PIKFYVE: variants seen among roughly 807,000 people sequenced by gnomAD.
The protein encoded by PIKFYVE is 1-phosphatidylinositol 3-phosphate 5-kinase.
In PIKFYVE, 122 loss-of-function variants were observed where a neutral mutation model predicts 257.9. The ratio of observed to expected loss-of-function variants is 0.47; its 90% CI spans 0.41 to 0.55. PIKFYVE has a LOEUF of 0.55. PIKFYVE is among the 20% of genes least tolerant of loss of function. The pLI is 0.00. For missense variants in PIKFYVE, 2,160 were observed against 2,536.6 expected, an observed-to-expected ratio of 0.85 and a Z score of 3.19; for synonymous variants, 892 against 868.9, an observed-to-expected ratio of 1.03 and a Z score of -0.47.
At chr2:208,295,523 C>T (rs1199498912) in intron 7 of PIKFYVE, among the ~76,000 whole-genome samples, 2 of 152,092 alleles carry the variant, frequency 1.3e-5, no homozygotes, top group Non-Finnish European at 2.9e-5. Context: ...GTATCTTAGT[C>T]TTTCTTTGTG....
chr2:208,344,012 A>T (rs544982136), intron 32 of PIKFYVE, among the ~76,000 whole-genome samples: 1 of 151,634 alleles, frequency 6.6e-6, no homozygotes, highest in East Asian at 2.0e-4. Context: ...TAGAGACAGG[A>T]TTTCACCATG....
At chr2:208,352,389 T>G (rs886654653) in intron 38 of PIKFYVE, among the ~76,000 whole-genome samples, 2 of 152,126 alleles carry the variant, frequency 1.3e-5, no homozygotes, top group African/African-American at 2.4e-5. Context: ...TACGTAGTAT[T>G]GGGGGAAATT....
chr2:208,301,200 T>C, intron 9 of PIKFYVE, 106 bp downstream of exon 9: 1 of 1,397,388 alleles, frequency 7.2e-7, no homozygotes. Flanking sequence ...TAGGGTGCTC[T>C]TTGTTTTATG....
rs1277196346 is a variant in PIKFYVE at position 208,358,386 on chromosome 2, T to C, written c.*3081T>C. On this transcript the variant is annotated 3_prime_UTR_variant, in exon 42 of 42. Transcript: ENST00000264380. ...GCAGTATTCAAACCATCTAGTGCAA[T>C]GTTTTTGTTTTTGTTTTTTTTTTGG... 4.7e-5 allele frequency: 1 copy of C among 21,396 alleles called. No homozygotes were observed. The highest frequency in any genetic ancestry group is 2.9e-4 in the Non-Finnish European group (1 of 3,454). The allele number at this position is 21,396 out of a possible 1,614,324, so 1.3% of individuals were successfully genotyped here.
rs1698372827 is a variant in PIKFYVE, at chr2:208,338,374, A to G, written c.4612-134A>G. 2.1e-5 allele frequency: 14 copies of G among 654,554 alleles called. No homozygotes were observed. In the South Asian group the frequency reaches 2.6e-4, roughly 12 times the overall value. 40.5% of individuals were successfully genotyped at this position (654,554 alleles called of 1,614,324 possible). On this transcript the variant is annotated intron_variant, in intron 28 of 41. Transcript: ENST00000264380. ...AAACAAAAGCTAATTAAAAATATTA[A>G]GGGGGTTTTTAGTAATTTTTTAACG...
intron 15 of PIKFYVE, among the ~76,000 whole-genome samples, 160 bp downstream of exon 15, chr2:208,315,533 G>A (rs1695406008): frequency 6.6e-6 from 1 of 152,066 alleles, no homozygotes; most frequent in Non-Finnish European, 1.5e-5. Context: ...GCACTTAGGA[G>A]TCATGGAAGC....
At chr2:208,278,582 C>A (rs1156935917) in intron 5 of PIKFYVE, among the ~76,000 whole-genome samples, 1 of 152,012 alleles carries the variant, frequency 6.6e-6, no homozygotes, top group Admixed American at 6.6e-5. Context: ...CTAGTAGTCC[C>A]CTTGTCTATT....
At chr2:208,351,091 T>G in intron 37 of PIKFYVE, 144 bp downstream of exon 37, 10 of 1,189,196 alleles carry the variant, frequency 8.4e-6, no homozygotes, top group Non-Finnish European at 1.2e-5. Context: ...AAAGTTTTAT[T>G]TAGTAGTTTT....
intron 27 of PIKFYVE, 74 bp downstream of exon 27, chr2:208,336,274 A>C (rs1698133249): frequency 1.3e-6 from 2 of 1,553,420 alleles, no homozygotes; most frequent in Non-Finnish European, 1.8e-6. Flanking sequence ...AAAACTTAAA[A>C]ATTTTTAATT....
chr2:208,345,736 A>G (rs1699166654), intron 33 of PIKFYVE, among the ~76,000 whole-genome samples: 4 of 152,146 alleles, frequency 2.6e-5, no homozygotes, highest in Admixed American at 2.6e-4. Context: ...AGTGTGAGAG[A>G]AAGGAATTGA....
chr2:208,339,533 A>G lies in PIKFYVE; in HGVS notation c.4788A>G (p.Leu1596=). 1 of 1,614,150 alleles carries G rather than the reference A, an allele frequency of 6.2e-7. No homozygotes were observed. The highest frequency in any genetic ancestry group is 1.1e-5 in the South Asian group (1 of 91,084). ...AGTCAGTGGGAGGGCCCCCTGAGCT[A>G]GATACAGCCAGCAGTTCCGAAGGTA... The part of the protein sequence containing the change: ...SEQSVGGPPE[L]DTASSSEDVF... Residue 1596 remains leucine, a synonymous_variant, in exon 30 of 42, where the codon CTA becomes CTG. Transcript: ENST00000264380.
intron 12 of PIKFYVE, among the ~76,000 whole-genome samples, chr2:208,306,868 C>T (rs544365097): frequency 3.3e-5 from 5 of 151,962 alleles, no homozygotes; most frequent in African/African-American, 1.2e-4. Context: ...ACCTCCGCCT[C>T]GTGGGTTCAA....
chr2:208,354,127 A>G lies in PIKFYVE; in HGVS notation c.6074A>G (p.Asp2025Gly), dbSNP rs1700009242. Residue 2025 changes from aspartate (D) to glycine (G), a missense_variant, in exon 40 of 42, where the codon GAT becomes GGT. Asp to Gly is a moderately conservative substitution (Grantham distance 94, BLOSUM62 -1). This residue lies in a region of PIKFYVE where 699 missense variants were observed against 855.8 expected (regional missense o/e 0.82). Coordinates refer to ENST00000264380, the MANE Select transcript of PIKFYVE (RefSeq NM_015040.4). ...IDYSLLVGRD[D>G]TSNELVVGII... ...TATTCTTTGCTGGTTGGGCGAGATGATACTAGCAATGAGCTAGTAGTTGGA... is the reference window on the plus strand; with the variant it reads ...TATTCTTTGCTGGTTGGGCGAGATGGTACTAGCAATGAGCTAGTAGTTGGA... 1.9e-6 allele frequency: 3 copies of G among 1,613,788 alleles called. No individual in the cohort carries two copies. The South Asian group carries it at 3.3e-5, about 18-fold the overall frequency.
chr2:208,327,846 A>G (rs770440775), intron 20 of PIKFYVE, among the ~76,000 whole-genome samples: 1 of 152,226 alleles, frequency 6.6e-6, no homozygotes, highest in Non-Finnish European at 1.5e-5. Context: ...GATTGATGTT[A>G]TATCCCATCA....
chr2:208,332,191 G>T (rs1204327938), intron 23 of PIKFYVE, among the ~76,000 whole-genome samples: 1 of 152,012 alleles, frequency 6.6e-6, no homozygotes, highest in Non-Finnish European at 1.5e-5. Flanking sequence ...TAATGCAAAT[G>T]GCTACTAAAC....
chr2:208,273,763 C>T (rs1401132479), intron 3 of PIKFYVE, 30 bp downstream of exon 3: 1 of 1,612,606 alleles, frequency 6.2e-7, no homozygotes, highest in Admixed American at 1.7e-5. Flanking sequence ...TCATTCCCTT[C>T]TATATGCTAG....
chr2:208,343,516 T>C (rs114590797), intron 32 of PIKFYVE, among the ~76,000 whole-genome samples: 1,623 of 152,328 alleles, frequency 0.011, 29 homozygotes, highest in Non-Finnish European at 0.015. Context: ...GTTAAATTTA[T>C]AAATTAGCCT....
intron 31 of PIKFYVE, 142 bp downstream of exon 31, chr2:208,340,273 A>C: frequency 9.1e-7 from 1 of 1,100,652 alleles, no homozygotes; most frequent in Non-Finnish European, 1.3e-6. Context: ...ATGTCTTTTG[A>C]TACAATGTAA....
chr2:208,304,466 A>G, intron 11 of PIKFYVE, 148 bp downstream of exon 11: 2 of 1,140,252 alleles, frequency 1.8e-6, no homozygotes, highest in Non-Finnish European at 2.5e-6. Context: ...TTTGTCTTAG[A>G]TACAGTATTT....
Sources: gnomAD v4.1 joint callset for allele counts (sites outside exome capture counted in the v4.1 genomes callset) on GRCh38, gnomAD v4.1.1 for gene constraint, gnomAD v4.1.1 regional missense constraint, MANE v1.5 for transcripts, NCBI Gene and HGNC (gene_info 2026-07-23, HGNC 2026-07-21) for gene names.